The following GPR149 variants were observed in gnomAD, a reference collection of about 807,000 sequenced individuals.
GPR149 encodes G protein-coupled receptor 149, also known as probable G protein-coupled receptor 149.
GPR149 carries 50 observed loss-of-function variants against 50.2 expected under a neutral mutation model. The ratio of observed to expected loss-of-function variants is 1.00; its 90% CI spans 0.79 to 1.26. The LOEUF (loss-of-function observed/expected upper bound fraction) is 1.26. Ranked by LOEUF, GPR149 falls within the 50% of genes most tolerant of loss-of-function variation. GPR149 has a pLI of 0.00. For missense variants in GPR149, 983 were observed against 895.4 expected (o/e 1.10, Z -1.25); for synonymous variants, 405 against 358.2 (o/e 1.13, Z -1.48).
intron 3 of GPR149, among the ~76,000 whole-genome samples, chr3:154,392,189 G>C (rs1443944414): frequency 6.6e-6 from 1 of 151,616 alleles, no homozygotes; most frequent in Non-Finnish European, 1.5e-5. Context: ...TTTCACCAAA[G>C]AGCAGCAGAA....
In GPR149 at chr3:154,343,695, G is replaced by A. The variant is rs763050462; in HGVS notation, c.1624-5424C>T. 4.6e-5 allele frequency among the ~76,000 whole-genome samples: 7 copies of A among 152,140 alleles called. 1 individual carries two copies. The highest frequency in any genetic ancestry group is 4.1e-4 in the South Asian group (2 of 4,826). On this transcript the variant is annotated intron_variant, in intron 3 of 3. Transcript: ENST00000389740. ...TGAAAAGGGTGGAGAGGCTGGGTGCGACTGTTCATCCCTGTAATCCCTTTG... is the reference window on the plus strand; with the variant it reads ...TGAAAAGGGTGGAGAGGCTGGGTGCAACTGTTCATCCCTGTAATCCCTTTG...
intron 3 of GPR149, among the ~76,000 whole-genome samples, chr3:154,350,560 C>T (rs1313671529): frequency 6.6e-6 from 1 of 152,084 alleles, no homozygotes; most frequent in East Asian, 1.9e-4. Context: ...AATGAAGAGA[C>T]ATATTGTGTT....
chr3:154,367,342 C>CT (rs939085223), intron 3 of GPR149, among the ~76,000 whole-genome samples: 11 of 40,946 alleles, frequency 2.7e-4, no homozygotes, highest in South Asian at 1.3e-3. Flanking sequence ...CCCTTCCCCC[C>CT]CCCGAAACTA....
At chr3:154,390,573 G>A (rs1268288091) in intron 3 of GPR149, among the ~76,000 whole-genome samples, 1 of 151,994 alleles carries the variant, frequency 6.6e-6, no homozygotes, top group East Asian at 1.9e-4. Context: ...CTTATAGGAT[G>A]CCATTGAGTG....
chr3:154,358,780 T>C (rs1714311152), intron 3 of GPR149, among the ~76,000 whole-genome samples: 1 of 152,198 alleles, frequency 6.6e-6, no homozygotes, highest in South Asian at 2.1e-4. Flanking sequence ...GAAACACTTA[T>C]TAAGCTCGAA....
chr3:154,369,040 A>C (rs1010076077), intron 3 of GPR149, among the ~76,000 whole-genome samples: 3 of 152,202 alleles, frequency 2.0e-5, no homozygotes, highest in African/African-American at 7.2e-5. Flanking sequence ...AATCCGGTAC[A>C]TGGAGGGCTC....
intron 3 of GPR149, among the ~76,000 whole-genome samples, chr3:154,346,059 A>G (rs1396786171): frequency 6.6e-6 from 1 of 152,154 alleles, no homozygotes; most frequent in Non-Finnish European, 1.5e-5. Flanking sequence ...TCTGCCCTAG[A>G]AGGTAGAATT....
intron 2 of GPR149, among the ~76,000 whole-genome samples, chr3:154,425,978 CCTT>C (rs1481311365): frequency 5.3e-5 from 8 of 152,010 alleles, no homozygotes; most frequent in African/African-American, 1.9e-4. Context: ...ACTAGACCAT[CCTT>C]CTCACAATTT....
At chr3:154,353,267 T>C in intron 3 of GPR149, 2 of 1,448,538 alleles carry the variant, frequency 1.4e-6, no homozygotes, top group South Asian at 1.1e-5. Flanking sequence ...TTGCAGCCTT[T>C]TGAGTCATTT....
At chr3:154,395,395 T>C (rs1388926761) in intron 3 of GPR149, among the ~76,000 whole-genome samples, 2 of 149,114 alleles carry the variant, frequency 1.3e-5, no homozygotes, top group Non-Finnish European at 3.0e-5. Context: ...TATATCTAAA[T>C]GTAAACAAAA....
chr3:154,340,648 T>A (rs1713769328), intron 3 of GPR149, among the ~76,000 whole-genome samples: 1 of 152,220 alleles, frequency 6.6e-6, no homozygotes, highest in South Asian at 2.1e-4. Context: ...GGAATGACTA[T>A]CTCGGGTAGG....
intron 3 of GPR149, chr3:154,353,574 T>C: frequency 2.8e-6 from 3 of 1,060,864 alleles, no homozygotes; most frequent in Non-Finnish European, 4.4e-6. Flanking sequence ...TTGCATATGA[T>C]TAATTTGGCT....
intron 3 of GPR149, among the ~76,000 whole-genome samples, chr3:154,373,877 T>C (rs561848869): frequency 3.3e-5 from 5 of 152,342 alleles, no homozygotes; most frequent in Admixed American, 3.3e-4. Flanking sequence ...TCACAGTGCC[T>C]GATACAGGTC....
chr3:154,357,404 A>C (rs895469179), intron 3 of GPR149, among the ~76,000 whole-genome samples: 31 of 152,070 alleles, frequency 2.0e-4, no homozygotes, highest in Admixed American at 1.4e-3. Flanking sequence ...CAACCTACAA[A>C]ATGGGAGAAA....
At chr3:154,400,042 G>GT (rs1711511388) in intron 3 of GPR149, among the ~76,000 whole-genome samples, 1 of 151,990 alleles carries the variant, frequency 6.6e-6, no homozygotes, top group Non-Finnish European at 1.5e-5. Flanking sequence ...GCTGGAGTGC[G>GT]GTGGCGCGAT....
intron 3 of GPR149, among the ~76,000 whole-genome samples, chr3:154,357,497 C>A (rs770614883): frequency 2.6e-5 from 4 of 152,078 alleles, no homozygotes; most frequent in South Asian, 2.1e-4. Flanking sequence ...AAAAAAACAA[C>A]CAACCCCATC....
intron 3 of GPR149, among the ~76,000 whole-genome samples, chr3:154,419,905 C>A (rs1219247714): frequency 1.3e-5 from 2 of 151,982 alleles, no homozygotes; most frequent in African/African-American, 4.8e-5. Flanking sequence ...TAATTTATGA[C>A]AAATATTTAG....
chr3:154,386,567 C>T (rs775069493), intron 3 of GPR149, among the ~76,000 whole-genome samples: 4 of 152,202 alleles, frequency 2.6e-5, no homozygotes, highest in Non-Finnish European at 5.9e-5. Context: ...ACAGGAAGCC[C>T]TTTGTAGTGC....
At chr3:154,355,796 T>A (rs1040198430) in intron 3 of GPR149, among the ~76,000 whole-genome samples, 5 of 152,218 alleles carry the variant, frequency 3.3e-5, no homozygotes, top group African/African-American at 1.2e-4. Context: ...GAAAAAAATT[T>A]CTCATACCTA....
Sources: gnomAD v4.1 joint callset for allele counts (sites outside exome capture counted in the v4.1 genomes callset) on GRCh38, gnomAD v4.1.1 for gene constraint, MANE v1.5 for transcripts, NCBI Gene and HGNC (gene_info 2026-07-23, HGNC 2026-07-21) for gene names.